UBE3A: variants seen among roughly 807,000 people sequenced by gnomAD.
UBE3A encodes the protein ubiquitin-protein ligase E3A.
A neutral mutation model predicts 83.4 loss-of-function variants in UBE3A; 6 were observed. That is an observed-to-expected ratio of 0.07 (90% CI 0.04 to 0.14). UBE3A has a LOEUF of 0.14. UBE3A is among the 10% of genes least tolerant of loss of function. The pLI is 1.00. For synonymous variants in UBE3A, 337 were observed against 355.4 expected (o/e 0.95, Z 0.58); for missense variants, 456 against 1,036.1 (o/e 0.44, Z 7.69).
intron 1 of UBE3A, among the ~76,000 whole-genome samples, chr15:25,424,748 T>C (rs1890830261): frequency 1.3e-5 from 2 of 152,176 alleles, no homozygotes; most frequent in African/African-American, 4.8e-5. Flanking sequence ...GAAATGAAAT[T>C]TTAAAAAATT....
At chr15:25,344,654 T>C (rs1007405172) in intron 11 of UBE3A, among the ~76,000 whole-genome samples, 22 of 152,146 alleles carry the variant, frequency 1.4e-4, no homozygotes, top group African/African-American at 5.1e-4. Context: ...AAAAACAAAA[T>C]TAAATTGTCA....
intron 11 of UBE3A, among the ~76,000 whole-genome samples, chr15:25,350,302 A>G (rs1466333736): frequency 6.6e-6 from 1 of 151,534 alleles, no homozygotes; most frequent in Non-Finnish European, 1.5e-5. Flanking sequence ...GTCTCTTTAA[A>G]AAAAAAAAAA....
intron 1 of UBE3A, among the ~76,000 whole-genome samples, chr15:25,431,624 T>C (rs1360839094): frequency 1.3e-5 from 2 of 151,960 alleles, no homozygotes; most frequent in African/African-American, 2.4e-5. Flanking sequence ...ATTACAGGAG[T>C]GAGCCAAGGC....
At chr15:25,383,857 G>C (rs2152912623) in intron 4 of UBE3A, among the ~76,000 whole-genome samples, 1 of 151,974 alleles carries the variant, frequency 6.6e-6, no homozygotes, top group East Asian at 1.9e-4. Flanking sequence ...AACTGGGCAA[G>C]AAAAAGAAAT....
At position 25,333,913 on chromosome 15, in the gene UBE3A, T is replaced by TA. The variant is rs1411395231; in HGVS notation, c.*5223dup. ...AGCCCCTCCTTTTTTTTTTTTTGAT[T>TA]AAAAAACACTCAGTAAACTAGGTTT... On this transcript the variant is annotated 3_prime_UTR_variant, in exon 13 of 13. Transcript: ENST00000648336. 1 of 151,210 alleles carries TA rather than the reference T, an allele frequency of 6.6e-6. No individual in the cohort carries two copies. The highest frequency in any genetic ancestry group is 1.5e-5 in the Non-Finnish European group (1 of 67,836). The allele number at this position is 151,210 out of a possible 1,614,324, so 9.4% of individuals were successfully genotyped here. A position where few individuals can be genotyped will look rare whatever the true frequency, so the allele number is the denominator to read the frequency against.
intron 11 of UBE3A, among the ~76,000 whole-genome samples, chr15:25,340,440 TA>T (rs1281527239): frequency 6.6e-6 from 1 of 152,158 alleles, no homozygotes; most frequent in Non-Finnish European, 1.5e-5. Flanking sequence ...TACAATATAG[TA>T]AAATATTAGT....
At chr15:25,373,337 G>A (rs1043332982) in intron 5 of UBE3A, among the ~76,000 whole-genome samples, 1 of 152,190 alleles carries the variant, frequency 6.6e-6, no homozygotes, top group Non-Finnish European at 1.5e-5. Flanking sequence ...TTTGCATGCA[G>A]TAATATGGCC....
rs587782922 is a variant in UBE3A at position 25,371,503 on chromosome 15, A to G, written c.671T>C (p.Leu224Ser). The stretch of plus-strand genomic sequence containing the variant: ...ATCCACAGACACATCATCAGGGCCT[A>G]ATTTTTGCAAATTGTTGTCTCCCTG... Reference protein sequence around the residue: ...SSQGDNNLQKLGPDDVSVDID... With the variant: ...SSQGDNNLQKSGPDDVSVDID... The change falls in exon 6 of 13, where the codon TTA becomes TCA. Residue 224 changes from leucine (L) to serine (S), a missense_variant. Physicochemically the swap from Leu to Ser is moderately radical, Grantham distance 145 (BLOSUM62 -2). Coordinates refer to ENST00000648336, the MANE Select transcript of UBE3A (RefSeq NM_130839.5). This position sits in a 1 kb window ranked among gnomAD's most constrained non-coding sequence, Gnocchi z 5.3. The G allele has an allele frequency of 6.8e-6, 11 of 1,613,942 alleles. No homozygotes were observed. Among genetic ancestry groups the G allele is most frequent in the Non-Finnish European group, 9.3e-6 (11 of 1,180,028 alleles).
chr15:25,381,249 T>C (rs958245613), intron 4 of UBE3A, among the ~76,000 whole-genome samples: 3 of 152,194 alleles, frequency 2.0e-5, no homozygotes, highest in Non-Finnish European at 2.9e-5. Context: ...GTGATATCTG[T>C]CTTTCCGTGT....
intron 1 of UBE3A, among the ~76,000 whole-genome samples, chr15:25,422,843 A>C (rs867841689): frequency 6.6e-6 from 1 of 151,646 alleles, no homozygotes; most frequent in African/African-American, 2.4e-5. Context: ...ACCAACCAAA[A>C]AAAAACCAAC....
chr15:25,384,459 CA>C (rs1306982756), intron 4 of UBE3A, among the ~76,000 whole-genome samples: 829 of 70,132 alleles, frequency 0.012, 4 homozygotes, highest in East Asian at 0.1. Context: ...GACTCTGTCT[CA>C]AAAAAAAAAA....
Position 25,427,623 on chromosome 15 carries a change from A to C in UBE3A, c.-165+10866T>G, listed in dbSNP as rs984529815. On this transcript the variant is annotated intron_variant, in intron 1 of 12. Coordinates refer to ENST00000648336, the MANE Select transcript of UBE3A (RefSeq NM_130839.5). ...TCTACAAAAAAAAAAAAAAAAAAAA[A>C]AAAAAAAACCCACAAAACTTAGCAG... Among the ~76,000 whole-genome samples the C allele has an allele frequency of 2.0e-4, 29 of 148,248 alleles. No homozygotes were observed. In the East Asian group the frequency reaches 4.7e-3, roughly 24 times the overall value.
At chr15:25,364,445 A>C (rs190531144) in intron 6 of UBE3A, among the ~76,000 whole-genome samples, 5 of 152,278 alleles carry the variant, frequency 3.3e-5, no homozygotes, top group Admixed American at 2.0e-4. Context: ...CATAATAGCT[A>C]TATTATTTAA....
chr15:25,349,344 C>T (rs942335697), intron 11 of UBE3A, among the ~76,000 whole-genome samples: 28 of 152,162 alleles, frequency 1.8e-4, no homozygotes, highest in African/African-American at 6.7e-4. Flanking sequence ...ATATTTGTGG[C>T]TTTGGGCTAG....
chr15:25,406,548 A>G (rs930495377), intron 3 of UBE3A, among the ~76,000 whole-genome samples: 29 of 152,270 alleles, frequency 1.9e-4, no homozygotes, highest in African/African-American at 6.7e-4. Context: ...ACACTTAGAA[A>G]TTCCCAAACT....
intron 4 of UBE3A, chr15:25,393,691 A>C (rs1215628598): frequency 6.6e-6 from 1 of 152,216 alleles, no homozygotes; most frequent in Non-Finnish European, 1.5e-5. Flanking sequence ...ATTCAGCCAG[A>C]AACAGTTCAT....
At chr15:25,409,324 G>A (rs1253234090) in intron 2 of UBE3A, 117 bp from the exon 3 acceptor site, 13 of 431,042 alleles carry the variant, frequency 3.0e-5, no homozygotes, top group Non-Finnish European at 5.5e-5. Context: ...CATCAGAAGA[G>A]TAATTATTAT....
chr15:25,364,191 G>C (rs1274509290), intron 6 of UBE3A, among the ~76,000 whole-genome samples: 6 of 151,960 alleles, frequency 3.9e-5, no homozygotes, highest in Non-Finnish European at 7.4e-5. Context: ...CTGGGTGACA[G>C]AGTTAAGACC....
chr15:25,418,084 T>C (rs1053696336), intron 1 of UBE3A: 7 of 152,174 alleles, frequency 4.6e-5, no homozygotes, highest in Non-Finnish European at 8.8e-5. Flanking sequence ...CATGTTACTA[T>C]ACTGAATGAA....
Sources: allele counts gnomAD v4.1 joint callset (sites outside exome capture counted in the v4.1 genomes callset), GRCh38; gene constraint gnomAD v4.1.1; non-coding constraint Gnocchi (gnomAD v3.1); transcripts MANE v1.5; gene names NCBI Gene and HGNC (gene_info 2026-07-23, HGNC 2026-07-21).